CDH13: variants seen among roughly 807,000 people sequenced by gnomAD.
The protein encoded by CDH13 is cadherin 13, also known as cadherin-13.
Under a neutral mutation model 63.8 loss-of-function variants are expected in CDH13, and 24 were observed. The ratio of observed to expected loss-of-function variants is 0.38; its 90% CI spans 0.27 to 0.53. The LOEUF (loss-of-function observed/expected upper bound fraction) is 0.53, where lower values mean the gene tolerates loss of function less well. Ranked by LOEUF, CDH13 falls within the 20% of genes least tolerant of loss-of-function variation. The probability of loss-of-function intolerance (pLI) is 0.85; values close to 1 mark genes in which losing one functional copy is unlikely to be tolerated. For synonymous variants in CDH13, 503 were observed against 355.3 expected (o/e 1.42, Z -4.67); for missense variants, 1,049 against 903.1 (o/e 1.16, Z -2.07).
At chr16:82,877,498 G>C (rs2040544025) in intron 2 of CDH13, among the ~76,000 whole-genome samples, 1 of 152,182 alleles carries the variant, frequency 6.6e-6, no homozygotes, top group Non-Finnish European at 1.5e-5. Flanking sequence ...GGACATGGTA[G>C]TTCACATTTG....
intron 5 of CDH13, among the ~76,000 whole-genome samples, chr16:83,218,009 T>G (rs1567515454): frequency 6.6e-6 from 1 of 152,178 alleles, no homozygotes; most frequent in Non-Finnish European, 1.5e-5. Context: ...TTCAAGATAT[T>G]GAATGAAAAC....
chr16:83,089,744 C>A (rs891172649), intron 3 of CDH13, among the ~76,000 whole-genome samples: 1 of 152,250 alleles, frequency 6.6e-6, no homozygotes, highest in African/African-American at 2.4e-5. Context: ...AAGGGCTACA[C>A]GTCGGAAATG....
intron 1 of CDH13, among the ~76,000 whole-genome samples, chr16:82,707,606 G>T (rs1429168324): frequency 2.6e-5 from 4 of 152,192 alleles, no homozygotes; most frequent in African/African-American, 9.7e-5. Flanking sequence ...GGGTGCAGAG[G>T]GTGTGTGGAT....
At chr16:83,056,470 A>C (rs1361194551) in intron 3 of CDH13, among the ~76,000 whole-genome samples, 1 of 152,264 alleles carries the variant, frequency 6.6e-6, no homozygotes, top group African/African-American at 2.4e-5. Flanking sequence ...ATAGCAAAAA[A>C]AAAAGCAACT....
intron 2 of CDH13, among the ~76,000 whole-genome samples, chr16:82,887,572 G>C (rs2040934867): frequency 6.6e-6 from 1 of 152,192 alleles, no homozygotes; most frequent in South Asian, 2.1e-4. Context: ...TGTAATCCCA[G>C]CGCTTTGGGA....
intron 1 of CDH13, among the ~76,000 whole-genome samples, chr16:82,723,545 C>G (rs1488902622): frequency 6.6e-6 from 1 of 152,126 alleles, no homozygotes; most frequent in Non-Finnish European, 1.5e-5. Context: ...ATTCCTCTGT[C>G]TGCCACCTGG....
intron 6 of CDH13, among the ~76,000 whole-genome samples, chr16:83,421,994 C>T (rs899733455): frequency 9.2e-5 from 14 of 152,144 alleles, no homozygotes; most frequent in African/African-American, 3.4e-4. Flanking sequence ...GTCATATGAA[C>T]AAGTGTTTAG....
chr16:83,297,268 A>G (rs1345147921), intron 5 of CDH13, among the ~76,000 whole-genome samples: 4 of 152,206 alleles, frequency 2.6e-5, no homozygotes, highest in African/African-American at 9.7e-5. Context: ...AGTGTTTGAG[A>G]TGATGGATAT....
At chr16:83,697,140 A>G (rs966356226) in intron 10 of CDH13, among the ~76,000 whole-genome samples, 1 of 152,150 alleles carries the variant, frequency 6.6e-6, no homozygotes, top group African/African-American at 2.4e-5. Context: ...AATAAAATGT[A>G]TTTGTCACCC....
chr16:83,647,997 G>T lies in CDH13; in HGVS notation c.1102-22793G>T, dbSNP rs146794571. ...CTGATAAGGTAACAGCATTATCCCA[G>T]TTCTTCGCCTAAGGAAACTGGAGTC... On this transcript the variant is annotated intron_variant, in intron 8 of 13. Coordinates refer to ENST00000567109, the MANE Select transcript of CDH13 (RefSeq NM_001257.5). Among the ~76,000 whole-genome samples the T allele has an allele frequency of 1.5e-3, 231 of 152,294 alleles. 1 individual carries two copies. The highest frequency in any genetic ancestry group is 0.01 in the Middle Eastern group (3 of 294).
chr16:83,613,348 C>T (rs547086035), intron 8 of CDH13, among the ~76,000 whole-genome samples: 21 of 152,276 alleles, frequency 1.4e-4, no homozygotes, highest in African/African-American at 4.3e-4. Flanking sequence ...TTTCTTCTGA[C>T]TCATTTTATC....
chr16:83,605,245 G>A (rs1204771246), intron 8 of CDH13, among the ~76,000 whole-genome samples: 2 of 152,188 alleles, frequency 1.3e-5, no homozygotes, highest in African/African-American at 2.4e-5. Flanking sequence ...ATGAAAGGAA[G>A]TGATAACAAG....
chr16:82,811,351 T>C (rs982429965), intron 1 of CDH13, among the ~76,000 whole-genome samples: 1 of 152,200 alleles, frequency 6.6e-6, no homozygotes, highest in African/African-American at 2.4e-5. Context: ...TATATACTTA[T>C]GTATTTAATA....
chr16:83,053,568 T>C (rs2030612906), intron 3 of CDH13, among the ~76,000 whole-genome samples: 1 of 152,114 alleles, frequency 6.6e-6, no homozygotes, highest in South Asian at 2.1e-4. Context: ...TAGATATATG[T>C]TTCTTAAATT....
At chr16:83,038,168 A>G (rs558358573) in intron 3 of CDH13, among the ~76,000 whole-genome samples, 13 of 152,228 alleles carry the variant, frequency 8.5e-5, no homozygotes, top group South Asian at 2.1e-4. Context: ...TAAGGCAAAT[A>G]TAATCACAGT....
At chr16:83,346,796 T>G (rs906463931) in intron 6 of CDH13, among the ~76,000 whole-genome samples, 3 of 152,258 alleles carry the variant, frequency 2.0e-5, no homozygotes, top group African/African-American at 7.2e-5. Flanking sequence ...ATGTATGTTT[T>G]TTGTGTATTT....
intron 6 of CDH13, among the ~76,000 whole-genome samples, chr16:83,482,523 A>G (rs1689290591): frequency 6.6e-6 from 1 of 152,206 alleles, no homozygotes; most frequent in Non-Finnish European, 1.5e-5. Flanking sequence ...GACTGAATCT[A>G]TGGAGCCAGA....
chr16:82,950,166 T>C (rs1285035230), intron 2 of CDH13, among the ~76,000 whole-genome samples: 1 of 152,140 alleles, frequency 6.6e-6, no homozygotes, highest in Non-Finnish European at 1.5e-5. Context: ...TGGTTTCTTC[T>C]GAGGGCTGTG....
At chr16:83,084,303 C>T (rs1278843228) in intron 3 of CDH13, among the ~76,000 whole-genome samples, 5 of 152,250 alleles carry the variant, frequency 3.3e-5, no homozygotes, top group East Asian at 1.9e-4. Flanking sequence ...TTTGTTTTGA[C>T]GTGGAAGGTC....
Sources: gnomAD v4.1 joint callset for allele counts (sites outside exome capture counted in the v4.1 genomes callset) on GRCh38, gnomAD v4.1.1 for gene constraint, MANE v1.5 for transcripts, NCBI Gene and HGNC (gene_info 2026-07-23, HGNC 2026-07-21) for gene names.